PLPP3: variants seen among roughly 807,000 people sequenced by gnomAD.
The protein encoded by PLPP3 is phospholipid phosphatase 3, also known as PAP2 beta.
Under a neutral mutation model 29.6 loss-of-function variants are expected in PLPP3, and 6 were observed. The observed-to-expected ratio is 0.20, with a 90% CI of 0.11 to 0.40. The LOEUF (loss-of-function observed/expected upper bound fraction) is 0.40, where lower values mean the gene tolerates loss of function less well. Among genes scored for constraint, PLPP3 ranks in the 10% least tolerant of loss-of-function variants. The pLI is 1.00. For missense variants in PLPP3, 308 were observed against 407.7 expected (o/e 0.76, Z 2.11); for synonymous variants, 152 against 159.7 (o/e 0.95, Z 0.36).
chr1:56,566,430 G>A (rs546668125), intron 1 of PLPP3, among the ~76,000 whole-genome samples: 2 of 152,270 alleles, frequency 1.3e-5, no homozygotes, highest in South Asian at 4.1e-4. Context: ...GGAGACAATA[G>A]TAACAAGTAC....
rs1421613292 is a variant in PLPP3 at position 56,508,050 on chromosome 1, CT to C, written c.810+3925del. Reference sequence around the variant, plus strand: ...AGTGAGACCCTTTTCCAACTCCCAACTTCCAGAACTGTAAGAAAAGAAACTT... The same window carrying C: ...AGTGAGACCCTTTTCCAACTCCCAACTCCAGAACTGTAAGAAAAGAAACTT... On this transcript the variant is annotated intron_variant, in intron 5 of 5. Coordinates refer to ENST00000371250, the MANE Select transcript of PLPP3 (RefSeq NM_003713.5). 2.0e-5 allele frequency among the ~76,000 whole-genome samples: 3 copies of C among 152,320 alleles called. No individual in the cohort carries two copies. In the East Asian group the frequency reaches 5.8e-4, roughly 29 times the overall value.
chr1:56,554,257 C>T (rs191432167), intron 1 of PLPP3, among the ~76,000 whole-genome samples: 5 of 152,014 alleles, frequency 3.3e-5, no homozygotes, highest in East Asian at 3.9e-4. Context: ...TCAATCTTGA[C>T]GGGTTACTGT....
At chr1:56,573,363 A>G (rs1446785454) in intron 1 of PLPP3, among the ~76,000 whole-genome samples, 1 of 152,230 alleles carries the variant, frequency 6.6e-6, no homozygotes, top group Non-Finnish European at 1.5e-5. Context: ...TCTTTACTGA[A>G]AAAGACAGGT....
chr1:56,510,027 A>G (rs1367526088), intron 5 of PLPP3, among the ~76,000 whole-genome samples: 1 of 152,182 alleles, frequency 6.6e-6, no homozygotes, highest in Non-Finnish European at 1.5e-5. Flanking sequence ...CGCTCTGTCT[A>G]ATTGCTTATG....
chr1:56,523,916 T>G lies in PLPP3; in HGVS notation c.576-36A>C, dbSNP rs201770629. 1.9e-3 allele frequency: 3,095 copies of G among 1,596,722 alleles called. 3 individuals carry two copies. The highest frequency in any genetic ancestry group is 2.3e-3 in the Non-Finnish European group (2,679 of 1,164,760). ...AAGAGAGGGCCATGAAAGGGCCGTA[T>G]TCACATCCCTGATACACACTTGTCT... On this transcript the variant is annotated intron_variant, in intron 3 of 5. Transcript: ENST00000371250.
At chr1:56,575,653 C>T (rs929212496) in intron 1 of PLPP3, among the ~76,000 whole-genome samples, 12 of 152,168 alleles carry the variant, frequency 7.9e-5, no homozygotes, top group Non-Finnish European at 1.2e-4. Context: ...TCCACTCATG[C>T]TAAACTGAGA....
At chr1:56,540,494 T>C (rs768099289) in intron 1 of PLPP3, among the ~76,000 whole-genome samples, 4 of 152,206 alleles carry the variant, frequency 2.6e-5, no homozygotes, top group Non-Finnish European at 4.4e-5. Flanking sequence ...GTCAGTCCTT[T>C]GCCCACTTTT....
intron 5 of PLPP3, among the ~76,000 whole-genome samples, chr1:56,508,776 T>C (rs1438003062): frequency 6.6e-6 from 1 of 152,156 alleles, no homozygotes; most frequent in East Asian, 1.9e-4. Context: ...ATCCTACTCA[T>C]AGTTCCCTCT....
At chr1:56,526,688 G>C (rs1447282553) in intron 2 of PLPP3, among the ~76,000 whole-genome samples, 1 of 152,190 alleles carries the variant, frequency 6.6e-6, no homozygotes, top group Non-Finnish European at 1.5e-5. Context: ...ATTGGTTTCT[G>C]CATTTGCAAA....
At chr1:56,499,083 C>T (rs1299571104) in intron 5 of PLPP3, among the ~76,000 whole-genome samples, 1 of 145,232 alleles carries the variant, frequency 6.9e-6, no homozygotes, top group Admixed American at 6.8e-5. Context: ...TCCCCCCCCC[C>T]CACCTTCCCC....
intron 2 of PLPP3, among the ~76,000 whole-genome samples, chr1:56,525,482 G>T (rs1301757863): frequency 6.6e-6 from 1 of 152,094 alleles, no homozygotes; most frequent in African/African-American, 2.4e-5. Flanking sequence ...TTATATACCA[G>T]ACATTGCTTT....
At chr1:56,568,396 T>A (rs1646175770) in intron 1 of PLPP3, among the ~76,000 whole-genome samples, 1 of 152,182 alleles carries the variant, frequency 6.6e-6, no homozygotes, top group Admixed American at 6.5e-5. Flanking sequence ...GCCAAGAGGA[T>A]TTATAGCCCA....
chr1:56,516,426 CT>C (rs995603551), intron 4 of PLPP3, among the ~76,000 whole-genome samples: 1 of 152,170 alleles, frequency 6.6e-6, no homozygotes, highest in African/African-American at 2.4e-5. Context: ...TGTCATCCCC[CT>C]ATTCTAGACC....
chr1:56,541,846 T>G (rs1459898456), intron 1 of PLPP3, among the ~76,000 whole-genome samples: 1 of 152,122 alleles, frequency 6.6e-6, no homozygotes, highest in Admixed American at 6.5e-5. Flanking sequence ...TTAACTGAAC[T>G]TTCACTGTGT....
chr1:56,569,544 G>A lies in PLPP3; in HGVS notation c.139+9334C>T, dbSNP rs569133997. 6.4e-4 allele frequency among the ~76,000 whole-genome samples: 97 copies of A among 152,192 alleles called. 1 individual carries two copies. In the Middle Eastern group the frequency reaches 0.01, roughly 16 times the overall value. On this transcript the variant is annotated intron_variant, in intron 1 of 5. Transcript: ENST00000371250. ...GGCAGTTCCTCAAAAAGGTAAATGT[G>A]GAGTTACCATAGGACCCAGCAATTT...
At chr1:56,556,543 T>C (rs1161693407) in intron 1 of PLPP3, among the ~76,000 whole-genome samples, 1 of 152,142 alleles carries the variant, frequency 6.6e-6, no homozygotes, top group African/African-American at 2.4e-5. Context: ...TTTCCAAATC[T>C]TAGGTGGTAT....
At chr1:56,510,029 T>C (rs1004457745) in intron 5 of PLPP3, among the ~76,000 whole-genome samples, 1 of 152,162 alleles carries the variant, frequency 6.6e-6, no homozygotes, top group African/African-American at 2.4e-5. Flanking sequence ...CTCTGTCTAA[T>C]TGCTTATGGC....
chr1:56,543,956 A>G (rs551364300), intron 1 of PLPP3, among the ~76,000 whole-genome samples: 3 of 152,290 alleles, frequency 2.0e-5, no homozygotes, highest in Non-Finnish European at 2.9e-5. Flanking sequence ...GTCCAACTCA[A>G]CAAACAAGTA....
chr1:56,507,607 T>C (rs1645712225), intron 5 of PLPP3, among the ~76,000 whole-genome samples: 1 of 152,156 alleles, frequency 6.6e-6, no homozygotes, highest in East Asian at 1.9e-4. Context: ...AGTGAGACAA[T>C]ACTGTCTCCA....
Sources: allele counts gnomAD v4.1 joint callset (sites outside exome capture counted in the v4.1 genomes callset), GRCh38; gene constraint gnomAD v4.1.1; transcripts MANE v1.5; gene names NCBI Gene and HGNC (gene_info 2026-07-23, HGNC 2026-07-21).